PDE10A: variants seen among roughly 807,000 people sequenced by gnomAD.
The protein encoded by PDE10A is cAMP and cAMP-inhibited cGMP 3',5'-cyclic phosphodiesterase 10A.
A neutral mutation model predicts 97.7 loss-of-function variants in PDE10A; 39 were observed. The observed-to-expected ratio is 0.40, with a 90% CI of 0.31 to 0.52. The LOEUF is 0.52. PDE10A is among the 20% of genes least tolerant of loss of function. The pLI, the probability that PDE10A is intolerant of heterozygous loss-of-function variation, is 0.56. For synonymous variants in PDE10A, 371 were observed against 376.8 expected, an observed-to-expected ratio of 0.98 and a Z score of 0.18; for missense variants, 731 against 1,047.8, an observed-to-expected ratio of 0.70 and a Z score of 4.17.
intron 2 of PDE10A, among the ~76,000 whole-genome samples, chr6:165,493,037 C>T (rs1780318692): frequency 6.6e-6 from 1 of 152,106 alleles, no homozygotes; most frequent in African/African-American, 2.4e-5. Context: ...TGCTATACAC[C>T]AACAGCGACC....
At chr6:165,675,018 C>T (rs1790755974) in intron 1 of PDE10A, among the ~76,000 whole-genome samples, 1 of 152,186 alleles carries the variant, frequency 6.6e-6, no homozygotes, top group Admixed American at 6.5e-5. Context: ...TGGGAGAAAG[C>T]CTCAACGTTT....
intron 18 of PDE10A, among the ~76,000 whole-genome samples, chr6:165,378,227 C>G (rs1784730449): frequency 1.3e-5 from 2 of 152,174 alleles, no homozygotes; most frequent in Non-Finnish European, 2.9e-5. Flanking sequence ...AACTTTAAAA[C>G]AGTCTGTCCC....
intron 1 of PDE10A, among the ~76,000 whole-genome samples, chr6:165,853,731 C>T (rs548642951): frequency 6.6e-6 from 1 of 152,230 alleles, no homozygotes; most frequent in East Asian, 1.9e-4. Context: ...CACATTTTAG[C>T]AGAAAAAAAC....
In PDE10A at chr6:165,824,306, C is replaced by G. The variant is rs193024559; in HGVS notation, c.-615+163223G>C. 4.6e-3 allele frequency among the ~76,000 whole-genome samples: 705 copies of G among 152,224 alleles called. 7 individuals are homozygous for G. Among genetic ancestry groups the G allele is most frequent in the African/African-American group, 0.016 (667 of 41,548 alleles). On this transcript the variant is annotated intron_variant, in intron 1 of 19. Coordinates refer to the PDE10A transcript ENST00000366882. Reference sequence around the variant, plus strand: ...ACATTTAAATTTGATAAAGAAGAAACAAAACAAAAATTCAACAAAAAGTTC... The same window carrying G: ...ACATTTAAATTTGATAAAGAAGAAAGAAAACAAAAATTCAACAAAAAGTTC...
intron 2 of PDE10A, among the ~76,000 whole-genome samples, chr6:165,523,567 T>C (rs958978024): frequency 2.0e-5 from 3 of 152,178 alleles, no homozygotes; most frequent in Non-Finnish European, 4.4e-5. Context: ...GCTAGCTATA[T>C]GCAGAAGAAA....
rs1198479979 is a variant in PDE10A, at chr6:165,662,458, G to A, written c.354C>T (p.Phe118=). 2 of 148,608 alleles carry A rather than the reference G, an allele frequency of 1.3e-5. No homozygotes were observed. The highest frequency in any genetic ancestry group is 3.0e-5 in the Non-Finnish European group (2 of 66,820). 9.2% of individuals were successfully genotyped at this position (148,608 alleles called of 1,614,324 possible). The stretch of plus-strand genomic sequence containing the variant: ...GAGGGGGCGGGGGGGGCGGCGGCCA[G>A]AAGTAAAAGAAAGATGGAGAGGAGG... ...VPSSSPSFFY[F]WPPPPPPPPS... is the part of the protein sequence containing the mutation. Residue 118 remains phenylalanine, a synonymous_variant, in exon 1 of 22, where the codon TTC becomes TTT. Transcript: ENST00000539869.
upstream of PDE10A, among the ~76,000 whole-genome samples, chr6:165,664,646 C>T (rs1047913792): frequency 3.9e-5 from 6 of 152,178 alleles, no homozygotes; most frequent in Non-Finnish European, 8.8e-5. Flanking sequence ...GCCAGGCTGC[C>T]GGCAGCCTCC....
chr6:165,847,086 G>T (rs1780441476), intron 1 of PDE10A, among the ~76,000 whole-genome samples: 1 of 152,156 alleles, frequency 6.6e-6, no homozygotes, highest in African/African-American at 2.4e-5. Context: ...TGTTTTGACG[G>T]CATTTTCCCA....
At chr6:165,910,130 T>C (rs1399939035) in intron 1 of PDE10A, among the ~76,000 whole-genome samples, 1 of 152,218 alleles carries the variant, frequency 6.6e-6, no homozygotes, top group African/African-American at 2.4e-5. Flanking sequence ...AGATGCTCAG[T>C]AAACACATGT....
At position 165,691,103 on chromosome 6, in the gene PDE10A, CTCT is replaced by C. The variant is rs1369649823; in HGVS notation, c.-614-147538_-614-147536del. On this transcript the variant is annotated intron_variant, in intron 1 of 19. Transcript: ENST00000366882. ...TCTCTCTCTCTCTCTCTCTCTTTCT[CTCT>C]CCCCCCCCCCATCAGTGCCTGTGGT... 5.3e-4 allele frequency among the ~76,000 whole-genome samples: 22 copies of C among 41,756 alleles called. 3 individuals are homozygous for C. The highest frequency in any genetic ancestry group is 1.7e-3 in the South Asian group (2 of 1,198). The allele number at this position is 41,756 out of a possible 152,430, so 27.4% of individuals were successfully genotyped here. A position where few individuals can be genotyped will look rare whatever the true frequency, so the allele number is the denominator to read the frequency against.
intron 1 of PDE10A, among the ~76,000 whole-genome samples, chr6:165,767,772 T>G (rs527499795): frequency 6.6e-6 from 1 of 152,242 alleles, no homozygotes; most frequent in Non-Finnish European, 1.5e-5. Flanking sequence ...TGTGTGAATG[T>G]ATCTTCTGGA....
At chr6:165,749,322 A>T (rs1792928052) in intron 1 of PDE10A, among the ~76,000 whole-genome samples, 1 of 72,594 alleles carries the variant, frequency 1.4e-5, no homozygotes, top group African/African-American at 5.3e-5. Flanking sequence ...CATCATCACC[A>T]TCACCAATAC....
chr6:165,443,576 A>G lies in PDE10A; in HGVS notation c.1194+5352T>C, dbSNP rs568907047. The stretch of plus-strand genomic sequence containing the variant: ...ACAGTGGCCCTCTTCTCACAGCTCC[A>G]CTAGACAGTACCCCAGTGGGGACTC... On this transcript the variant is annotated intron_variant, in intron 5 of 21. Coordinates refer to ENST00000539869, the MANE Select transcript of PDE10A (RefSeq NM_001385079.1). Among the ~76,000 whole-genome samples, 3 of 152,272 alleles carry G rather than the reference A, an allele frequency of 2.0e-5. No individual in the cohort carries two copies. The East Asian group carries it at 5.8e-4, about 29-fold the overall frequency.
intron 1 of PDE10A, among the ~76,000 whole-genome samples, chr6:165,629,137 C>T (rs1369215197): frequency 6.6e-6 from 1 of 151,970 alleles, no homozygotes; most frequent in Non-Finnish European, 1.5e-5. Context: ...TGAAGAGTTC[C>T]TAAGTGTTGG....
At chr6:165,763,168 G>A (rs1793292689) in intron 1 of PDE10A, among the ~76,000 whole-genome samples, 1 of 152,158 alleles carries the variant, frequency 6.6e-6, no homozygotes, top group South Asian at 2.1e-4. Context: ...CTGTGTCTGC[G>A]TGTGTATGGC....
At chr6:165,690,846 T>A (rs1431476951) in intron 1 of PDE10A, among the ~76,000 whole-genome samples, 1 of 152,154 alleles carries the variant, frequency 6.6e-6, no homozygotes. Flanking sequence ...TCTGGGTAGG[T>A]ACATGAGGGT....
At chr6:165,769,229 G>T (rs1481552816) in intron 1 of PDE10A, among the ~76,000 whole-genome samples, 1 of 152,190 alleles carries the variant, frequency 6.6e-6, no homozygotes, top group East Asian at 1.9e-4. Flanking sequence ...GGCTGGAACA[G>T]CTGAGGAACT....
chr6:165,943,187 G>GAAAT (rs1783599913), intron 1 of PDE10A, among the ~76,000 whole-genome samples: 1 of 48,658 alleles, frequency 2.1e-5, no homozygotes, highest in East Asian at 7.2e-4. Flanking sequence ...AAGAAAGAAA[G>GAAAT]AAAGAAAGAA....
In PDE10A at chr6:165,943,231, G is replaced by C. The variant is rs1783616798; in HGVS notation, c.-615+44298C>G. On this transcript the variant is annotated intron_variant, in intron 1 of 19. Coordinates refer to the PDE10A transcript ENST00000366882. ...AGAAAGAAAGAAAGAAAGAAAGAAA[G>C]AAAGAAGGAAGGAAGGAAGGAAGGA... Among the ~76,000 whole-genome samples the C allele has an allele frequency of 3.7e-5, 2 of 53,442 alleles. 1 individual carries two copies. The highest frequency in any genetic ancestry group is 1.3e-3 in the South Asian group (2 of 1,578). The allele number at this position is 53,442 out of a possible 152,430, so 35.1% of individuals were successfully genotyped here.
Sources: gnomAD v4.1 joint callset for allele counts (sites outside exome capture counted in the v4.1 genomes callset) on GRCh38, gnomAD v4.1.1 for gene constraint, MANE v1.5 for transcripts, NCBI Gene and HGNC (gene_info 2026-07-23, HGNC 2026-07-21) for gene names.